The following ABCA13 variants were observed in gnomAD, a reference collection of about 807,000 sequenced individuals.
The protein encoded by ABCA13 is ATP-binding cassette sub-family A member 13.
Under a neutral mutation model 478.7 loss-of-function variants are expected in ABCA13, and 476 were observed. The ratio of observed to expected loss-of-function variants is 0.99; its 90% CI spans 0.92 to 1.07. ABCA13 has a LOEUF of 1.07. Among genes scored for constraint, ABCA13 ranks in the 50% least tolerant of loss-of-function variants. The pLI is 0.00. For synonymous variants in ABCA13, 2,252 were observed against 2,158.9 expected (o/e 1.04, Z -1.20); for missense variants, 6,060 against 5,910.6 (o/e 1.03, Z -0.83).
chr7:48,515,035 G>A (rs1832001930), intron 51 of ABCA13, among the ~76,000 whole-genome samples: 1 of 152,098 alleles, frequency 6.6e-6, no homozygotes, highest in Non-Finnish European at 1.5e-5. Context: ...CATCATGGAT[G>A]TCATATGAAA....
At chr7:48,211,614 T>G (rs1029518868) in intron 3 of ABCA13, among the ~76,000 whole-genome samples, 11 of 152,098 alleles carry the variant, frequency 7.2e-5, no homozygotes, top group African/African-American at 2.7e-4. Flanking sequence ...CCAAGGCCCA[T>G]GGCCACTACT....
chr7:48,600,935 C>T (rs1444022975), intron 58 of ABCA13, among the ~76,000 whole-genome samples: 2 of 152,048 alleles, frequency 1.3e-5, no homozygotes, highest in Admixed American at 6.6e-5. Context: ...TCTATCTTTC[C>T]TTTTCTTTTG....
chr7:48,498,162 G>A (rs1173912339), intron 48 of ABCA13, among the ~76,000 whole-genome samples: 1 of 152,154 alleles, frequency 6.6e-6, no homozygotes, highest in African/African-American at 2.4e-5. Context: ...TGTCAGGTGG[G>A]GAGTGGAAGA....
chr7:48,526,053 C>G (rs1386011051), intron 54 of ABCA13, among the ~76,000 whole-genome samples: 1 of 152,056 alleles, frequency 6.6e-6, no homozygotes, highest in Admixed American at 6.6e-5. Context: ...GCAGGTCTGT[C>G]TTATGACCTA....
At position 48,222,664 on chromosome 7, in the gene ABCA13, T is replaced by C. The variant is rs146239545; in HGVS notation, c.468+1355T>C. Among the ~76,000 whole-genome samples, 348 of 152,268 alleles carry C rather than the reference T, an allele frequency of 2.3e-3. 2 individuals carry two copies. Among genetic ancestry groups the C allele is most frequent in the African/African-American group, 8.1e-3 (336 of 41,544 alleles). On this transcript the variant is annotated intron_variant, in intron 5 of 61. Transcript: ENST00000435803. Reference sequence around the variant, plus strand: ...GGACAGTATCATATCCATCGTATGTTTGCGATGTAAAAACATTTCGGTGCA... The same window carrying C: ...GGACAGTATCATATCCATCGTATGTCTGCGATGTAAAAACATTTCGGTGCA...
intron 27 of ABCA13, among the ~76,000 whole-genome samples, chr7:48,328,693 T>C (rs75414047): frequency 6.6e-6 from 1 of 151,888 alleles, no homozygotes; most frequent in African/African-American, 2.4e-5. Flanking sequence ...ATTAGTGAAA[T>C]AGCACATTAG....
Position 48,352,364 on chromosome 7 carries a change from A to G in ABCA13, c.10565A>G (p.Tyr3522Cys), listed in dbSNP as rs1809159002. The change falls in exon 31 of 62, where the codon TAC becomes TGC. Residue 3522 changes from tyrosine (Y) to cysteine (C), a missense_variant. Transcript: ENST00000435803. ...CCAGCTGATGGGTTCAAATATAACT[A>G]CGTCTTTGCCCCACTGCAAGACATG... Reference protein sequence around the residue: ...NLPADGFKYNYVFAPLQDMIE... With the variant: ...NLPADGFKYNCVFAPLQDMIE... 4 of 1,613,630 alleles carry G rather than the reference A, an allele frequency of 2.5e-6. No homozygotes were observed. In the East Asian group the frequency reaches 6.7e-5, roughly 27 times the overall value.
intron 1 of ABCA13, among the ~76,000 whole-genome samples, chr7:48,187,268 C>CTT (rs539089022): frequency 4.2e-4 from 54 of 127,466 alleles, no homozygotes; most frequent in East Asian, 2.9e-3. Context: ...AGGGAGTTGT[C>CTT]TTTTTTTTTT....
rs536678448 is a variant in ABCA13, at chr7:48,414,037, T to A, written c.12459+1454T>A. Reference sequence around the variant, plus strand: ...CATGCATCATCAGGACTGGAGTCCATCCATTCCCACTGCGTTTTAATAGAG... The same window carrying A: ...CATGCATCATCAGGACTGGAGTCCAACCATTCCCACTGCGTTTTAATAGAG... On this transcript the variant is annotated intron_variant, in intron 41 of 61. Transcript: ENST00000435803. Among the ~76,000 whole-genome samples, 128 of 152,332 alleles carry A rather than the reference T, an allele frequency of 8.4e-4. 1 individual carries two copies. The highest frequency in any genetic ancestry group is 2.8e-3 in the African/African-American group (118 of 41,578).
intron 59 of ABCA13, among the ~76,000 whole-genome samples, chr7:48,624,532 C>CGTT (rs56071738): frequency 3.3e-5 from 5 of 150,232 alleles, no homozygotes; most frequent in African/African-American, 1.2e-4. Flanking sequence ...ATTTTGTTGT[C>CGTT]GTTGTTGTTG....
chr7:48,382,664 T>C (rs921700458), intron 35 of ABCA13, among the ~76,000 whole-genome samples: 7 of 152,194 alleles, frequency 4.6e-5, no homozygotes, highest in Non-Finnish European at 1.0e-4. Context: ...CTCTGTCTTT[T>C]CATTCTCATT....
chr7:48,433,211 T>C (rs1195610161), intron 42 of ABCA13, among the ~76,000 whole-genome samples: 21 of 151,954 alleles, frequency 1.4e-4, no homozygotes, highest in African/African-American at 5.1e-4. Context: ...ATGCTGGTAA[T>C]GGAGTTTGCC....
At chr7:48,542,986 A>G (rs1834036656) in intron 55 of ABCA13, among the ~76,000 whole-genome samples, 1 of 151,844 alleles carries the variant, frequency 6.6e-6, no homozygotes, top group African/African-American at 2.4e-5. Flanking sequence ...ATAAGAGAAA[A>G]TCAAAATATA....
At chr7:48,615,610 G>A (rs1792492327) in intron 59 of ABCA13, among the ~76,000 whole-genome samples, 3 of 152,002 alleles carry the variant, frequency 2.0e-5, no homozygotes, top group Admixed American at 2.0e-4. Flanking sequence ...CTTTTCTCTT[G>A]CCAGGTAGAC....
chr7:48,368,537 C>T (rs919341609), intron 32 of ABCA13, among the ~76,000 whole-genome samples: 2 of 151,862 alleles, frequency 1.3e-5, no homozygotes, highest in South Asian at 2.1e-4. Context: ...AGCTCCCACA[C>T]GTGAGTGAGA....
chr7:48,646,601 G>A lies in ABCA13; in HGVS notation c.*1089G>A, dbSNP rs867106458. The A allele has an allele frequency of 6.6e-6, 1 of 151,778 alleles. No homozygotes were observed. The highest frequency in any genetic ancestry group is 6.6e-5 in the Admixed American group (1 of 15,216). The allele number at this position is 151,778 out of a possible 1,614,324, so 9.4% of individuals were successfully genotyped here. A position where few individuals can be genotyped will look rare whatever the true frequency, so the allele number is the denominator to read the frequency against. ...GTGGCGCGATGTCGGCTCACTGCAA[G>A]CTCCGCCTCCTGGGTTCACGCCATT... On this transcript the variant is annotated 3_prime_UTR_variant, in exon 62 of 62. Transcript: ENST00000435803.
At chr7:48,343,467 A>T (rs1007166470) in intron 29 of ABCA13, among the ~76,000 whole-genome samples, 1 of 152,088 alleles carries the variant, frequency 6.6e-6, no homozygotes, top group Non-Finnish European at 1.5e-5. Context: ...ACCACTGGAG[A>T]CTCAGCCTCT....
chr7:48,242,729 G>A (rs763286702), intron 10 of ABCA13, among the ~76,000 whole-genome samples: 13 of 152,272 alleles, frequency 8.5e-5, no homozygotes, highest in Middle Eastern at 6.8e-3. Context: ...GTGAGCCACC[G>A]CAGCTGGCCA....
At chr7:48,575,786 A>C (rs1245871100) in intron 55 of ABCA13, among the ~76,000 whole-genome samples, 2 of 152,146 alleles carry the variant, frequency 1.3e-5, no homozygotes, top group African/African-American at 4.8e-5. Flanking sequence ...CACAACAGGA[A>C]AATACCTTAA....
Sources: gnomAD v4.1 joint callset for allele counts (sites outside exome capture counted in the v4.1 genomes callset) on GRCh38, gnomAD v4.1.1 for gene constraint, MANE v1.5 for transcripts, NCBI Gene and HGNC (gene_info 2026-07-23, HGNC 2026-07-21) for gene names.